Variants in CLDN16 observed in about 807,000 individuals in gnomAD.
CLDN16 encodes the protein claudin 16.
In CLDN16, 13 loss-of-function variants were observed where a neutral mutation model predicts 24.6. The observed-to-expected ratio is 0.53, with a 90% CI of 0.34 to 0.84. The LOEUF is 0.84. Among genes scored for constraint, CLDN16 ranks in the 40% least tolerant of loss-of-function variants. The pLI is 0.01. For missense variants in CLDN16, 298 were observed against 292.7 expected, an observed-to-expected ratio of 1.02 and a Z score of -0.13; for synonymous variants, 116 against 106.7, an observed-to-expected ratio of 1.09 and a Z score of -0.54.
intron 1 of CLDN16, among the ~76,000 whole-genome samples, chr3:190,399,250 T>A (rs777771996): frequency 6.6e-6 from 1 of 152,178 alleles, no homozygotes; most frequent in Non-Finnish European, 1.5e-5. Context: ...ACGCCTGTAA[T>A]CCCAGCACTT....
intron 3 of CLDN16, among the ~76,000 whole-genome samples, chr3:190,406,544 A>G (rs534944705): frequency 1.3e-5 from 2 of 152,306 alleles, no homozygotes; most frequent in East Asian, 1.9e-4. Flanking sequence ...GAAATAACTA[A>G]ATTGAAAGAC....
intron 3 of CLDN16, among the ~76,000 whole-genome samples, chr3:190,407,860 G>A (rs940756668): frequency 6.6e-6 from 1 of 152,074 alleles, no homozygotes; most frequent in Non-Finnish European, 1.5e-5. Flanking sequence ...GGGGGTACAG[G>A]GAGCATTAAA....
chr3:190,388,124 C>A, upstream of CLDN16: 1 of 1,613,912 alleles, frequency 6.2e-7, no homozygotes, highest in Non-Finnish European at 8.5e-7. Flanking sequence ...CGGATAATGA[C>A]CTCCAGGACC....
At chr3:190,349,404 C>T (rs1332463952) in intron 1 of CLDN16, among the ~76,000 whole-genome samples, 3 of 152,188 alleles carry the variant, frequency 2.0e-5, no homozygotes, top group Non-Finnish European at 4.4e-5. Flanking sequence ...CCCAGCCATG[C>T]TTCCTGTGCA....
At chr3:190,355,715 G>A (rs558581555) in intron 1 of CLDN16, among the ~76,000 whole-genome samples, 1 of 151,640 alleles carries the variant, frequency 6.6e-6, no homozygotes, top group Non-Finnish European at 1.5e-5. Flanking sequence ...CATTTTAATG[G>A]AATATTCACA....
chr3:190,345,182 A>G (rs1373577394), intron 1 of CLDN16, among the ~76,000 whole-genome samples: 1 of 152,152 alleles, frequency 6.6e-6, no homozygotes, highest in African/African-American at 2.4e-5. Context: ...CTTTGATAGT[A>G]ACCAGGGAGA....
the CLDN16 span, among the ~76,000 whole-genome samples, chr3:190,292,536 T>G: frequency 6.6e-6 from 1 of 152,346 alleles, no homozygotes; most frequent in Admixed American, 6.5e-5. Context: ...CTATTAATGT[T>G]TGGCTCCTTA....
chr3:190,406,788 CTG>C (rs1719113846), intron 3 of CLDN16, among the ~76,000 whole-genome samples: 1 of 137,230 alleles, frequency 7.3e-6, no homozygotes, highest in African/African-American at 2.8e-5. Context: ...GTCGCCCAGG[CTG>C]GAGTGCAGTG....
intron 3 of CLDN16, among the ~76,000 whole-genome samples, chr3:190,378,777 G>T (rs1718296314): frequency 6.6e-6 from 1 of 151,952 alleles, no homozygotes; most frequent in Non-Finnish European, 1.5e-5. Context: ...AATTTCCACT[G>T]GACGTTTGCC....
intron 3 of CLDN16, among the ~76,000 whole-genome samples, chr3:190,379,975 G>GTATA (rs1553806910): frequency 6.7e-6 from 1 of 149,104 alleles, no homozygotes; most frequent in East Asian, 2.0e-4. Flanking sequence ...TATCAACTCT[G>GTATA]TCTATCTATC....
intron 1 of CLDN16, among the ~76,000 whole-genome samples, chr3:190,365,636 G>A (rs1299920732): frequency 6.6e-6 from 1 of 150,462 alleles, no homozygotes; most frequent in African/African-American, 2.4e-5. Flanking sequence ...TATCACAGAA[G>A]AACGATCTGA....
chr3:190,342,508 A>C (rs1014470125), intron 1 of CLDN16, among the ~76,000 whole-genome samples: 19 of 152,340 alleles, frequency 1.2e-4, no homozygotes, highest in African/African-American at 4.3e-4. Context: ...AATTTAACCA[A>C]AGAGGTGAAA....
chr3:190,380,390 G>C (rs1254769073), intron 3 of CLDN16, among the ~76,000 whole-genome samples: 1 of 152,000 alleles, frequency 6.6e-6, no homozygotes, highest in Non-Finnish European at 1.5e-5. Context: ...AAAGAGAGGA[G>C]AGTAACTGAA....
chr3:190,308,481 T>C, the CLDN16 span: 1,011 of 1,593,712 alleles, frequency 6.3e-4, 5 homozygotes, highest in African/African-American at 0.012. Flanking sequence ...AGTGAATTAT[T>C]GGCAACTTTT....
At chr3:190,299,994 A>T in the CLDN16 span, among the ~76,000 whole-genome samples, 1 of 152,222 alleles carries the variant, frequency 6.6e-6, no homozygotes, top group Admixed American at 6.5e-5. Context: ...ATGACTGAGC[A>T]ATGATTTTAC....
intron 1 of CLDN16, among the ~76,000 whole-genome samples, chr3:190,393,826 C>G (rs1577424588): frequency 6.8e-6 from 1 of 147,236 alleles, no homozygotes; most frequent in East Asian, 2.1e-4. Context: ...TCTTGGCTCA[C>G]TGCAGCCTCC....
chr3:190,306,462 AG>A, the CLDN16 span: 2 of 152,212 alleles, frequency 1.3e-5, no homozygotes, highest in Non-Finnish European at 2.9e-5. Context: ...TCTTTCCCTT[AG>A]TATAGCACTT....
Position 190,336,493 on chromosome 3 carries a change from A to G in CLDN16, n.121+13832A>G, listed in dbSNP as rs189942517. On this transcript the variant is annotated intron_variant and non_coding_transcript_variant, in intron 1 of 4. Coordinates refer to the CLDN16 transcript ENST00000468220. The stretch of plus-strand genomic sequence containing the variant: ...AGAAGTAAAACACAGCACATACAAC[A>G]CTTGGGAATACTACAATGAATGATT... Among the ~76,000 whole-genome samples, 361 of 152,332 alleles carry G rather than the reference A, an allele frequency of 2.4e-3. 1 individual carries two copies. The highest frequency in any genetic ancestry group is 3.5e-3 in the South Asian group (17 of 4,826).
At chr3:190,290,827 C>G in the CLDN16 span, among the ~76,000 whole-genome samples, 1 of 152,060 alleles carries the variant, frequency 6.6e-6, no homozygotes, top group Non-Finnish European at 1.5e-5. Context: ...CAAATACTAG[C>G]TTTGGGCTAG....
Sources: gnomAD v4.1 joint callset for allele counts (sites outside exome capture counted in the v4.1 genomes callset) on GRCh38, gnomAD v4.1.1 for gene constraint, MANE v1.5 for transcripts, NCBI Gene and HGNC (gene_info 2026-07-23, HGNC 2026-07-21) for gene names.